The following PDE8B variants were observed in gnomAD, a reference collection of about 807,000 sequenced individuals.
PDE8B encodes high affinity cAMP-specific and IBMX-insensitive 3',5'-cyclic phosphodiesterase 8B.
A neutral mutation model predicts 101.3 loss-of-function variants in PDE8B; 26 were observed. That is an observed-to-expected ratio of 0.26 (90% CI 0.19 to 0.36). PDE8B has a LOEUF of 0.36. Among genes scored for constraint, PDE8B ranks in the 10% least tolerant of loss-of-function variants. The pLI is 1.00. For synonymous variants in PDE8B, 424 were observed against 429.3 expected, an observed-to-expected ratio of 0.99 and a Z score of 0.15; for missense variants, 810 against 1,163.1, an observed-to-expected ratio of 0.70 and a Z score of 4.42.
intron 10 of PDE8B, among the ~76,000 whole-genome samples, chr5:77,359,341 T>C (rs1169217142): frequency 6.6e-6 from 1 of 152,118 alleles, no homozygotes; most frequent in Non-Finnish European, 1.5e-5. Flanking sequence ...GGTAAACCGA[T>C]AACATTCTGG....
the PDE8B span, among the ~76,000 whole-genome samples, chr5:77,091,645 A>G: frequency 1.3e-5 from 2 of 152,118 alleles, no homozygotes; most frequent in African/African-American, 4.8e-5. Flanking sequence ...TGTCTGAAAA[A>G]TAATAATAAA....
chr5:77,126,284 CAA>C, the PDE8B span, among the ~76,000 whole-genome samples: 1 of 130,644 alleles, frequency 7.7e-6, no homozygotes, highest in Non-Finnish European at 1.7e-5. Flanking sequence ...GGCTCTTTCT[CAA>C]AAAAAAAAAA....
the PDE8B span, chr5:77,147,260 GTGT>G: frequency 3.1e-5 from 8 of 260,248 alleles, no homozygotes; most frequent in Non-Finnish European, 6.2e-5. Flanking sequence ...ATGTAAGGCT[GTGT>G]AACATTTGTT....
At chr5:77,276,333 C>T (rs191978172) in intron 1 of PDE8B, among the ~76,000 whole-genome samples, 41 of 152,324 alleles carry the variant, frequency 2.7e-4, no homozygotes, top group African/African-American at 8.2e-4. Flanking sequence ...CAGGGCTTGG[C>T]TCAGCTCAAA....
intron 17 of PDE8B, among the ~76,000 whole-genome samples, chr5:77,415,351 A>ATTTTTTTTT (rs71606293): frequency 1.1e-5 from 1 of 88,734 alleles, no homozygotes; most frequent in Non-Finnish European, 2.1e-5. Flanking sequence ...ATAAGCTAAA[A>ATTTTTTTTT]TTTTTTTTTT....
chr5:77,369,782 C>T (rs1220524025), intron 10 of PDE8B, among the ~76,000 whole-genome samples: 1 of 152,194 alleles, frequency 6.6e-6, no homozygotes, highest in African/African-American at 2.4e-5. Flanking sequence ...TTTTCACTGG[C>T]ACAGGCCACT....
intron 10 of PDE8B, among the ~76,000 whole-genome samples, chr5:77,386,588 T>C (rs903287506): frequency 6.6e-6 from 1 of 152,208 alleles, no homozygotes; most frequent in Non-Finnish European, 1.5e-5. Flanking sequence ...TATCAGAGAC[T>C]AGGATTGCAA....
chr5:77,414,506 C>T (rs1312220310), intron 17 of PDE8B, among the ~76,000 whole-genome samples: 3 of 152,074 alleles, frequency 2.0e-5, no homozygotes, highest in African/African-American at 4.8e-5. Flanking sequence ...CTGCAAACTC[C>T]ACCTCCCAGG....
At chr5:77,238,169 C>A (rs1440379062) in intron 1 of PDE8B, among the ~76,000 whole-genome samples, 1 of 152,110 alleles carries the variant, frequency 6.6e-6, no homozygotes, top group Non-Finnish European at 1.5e-5. Context: ...ATTATTTCTT[C>A]AAATATTTCT....
intron 1 of PDE8B, among the ~76,000 whole-genome samples, chr5:77,213,535 TA>T (rs1748958706): frequency 6.6e-6 from 1 of 152,248 alleles, no homozygotes; most frequent in South Asian, 2.1e-4. Context: ...GATAATTTTA[TA>T]AAAACTTTAC....
chr5:77,285,560 A>G (rs1765837814), intron 1 of PDE8B, among the ~76,000 whole-genome samples: 1 of 152,144 alleles, frequency 6.6e-6, no homozygotes, highest in Admixed American at 6.5e-5. Context: ...GATTAATTAC[A>G]ATGTGCCTAA....
At chr5:77,124,834 G>T in the PDE8B span, among the ~76,000 whole-genome samples, 4 of 152,034 alleles carry the variant, frequency 2.6e-5, no homozygotes, top group East Asian at 3.8e-4. Context: ...GAGAAAAGAT[G>T]GAGAAACAGC....
chr5:77,135,479 T>C, the PDE8B span, among the ~76,000 whole-genome samples: 1 of 148,460 alleles, frequency 6.7e-6, no homozygotes, highest in African/African-American at 2.5e-5. Flanking sequence ...AGGAATTTTT[T>C]TTTTTTTTTT....
At chr5:77,123,194 TAGGC>T in the PDE8B span, among the ~76,000 whole-genome samples, 1 of 151,966 alleles carries the variant, frequency 6.6e-6, no homozygotes, top group Non-Finnish European at 1.5e-5. Context: ...TTCCTATTGG[TAGGC>T]AATCTCTGCA....
chr5:77,103,033 G>T, the PDE8B span, among the ~76,000 whole-genome samples: 1 of 152,200 alleles, frequency 6.6e-6, no homozygotes, highest in Non-Finnish European at 1.5e-5. Context: ...GGCCAAGCCA[G>T]AGAAAAGGCA....
chr5:77,266,969 C>G (rs966147273), intron 1 of PDE8B, among the ~76,000 whole-genome samples: 2 of 151,686 alleles, frequency 1.3e-5, no homozygotes, highest in African/African-American at 4.8e-5. Context: ...GATTTTTGTT[C>G]CAAACATCCA....
intron 5 of PDE8B, among the ~76,000 whole-genome samples, chr5:77,336,524 C>T (rs908787327): frequency 2.6e-5 from 4 of 152,092 alleles, no homozygotes; most frequent in Non-Finnish European, 4.4e-5. Flanking sequence ...ATACATTTTT[C>T]GGGTTCATAC....
the PDE8B span, among the ~76,000 whole-genome samples, chr5:77,116,138 A>C: frequency 6.6e-6 from 1 of 151,066 alleles, no homozygotes; most frequent in Non-Finnish European, 1.5e-5. Context: ...ACAGATTTTC[A>C]TAGGTTTTGT....
At chr5:77,409,566 G>C (rs1435374070) in intron 14 of PDE8B, among the ~76,000 whole-genome samples, 1 of 152,036 alleles carries the variant, frequency 6.6e-6, no homozygotes. Flanking sequence ...CTCAGGGAGG[G>C]GAAGGGGAGA....
Sources: gnomAD v4.1 joint callset for allele counts (sites outside exome capture counted in the v4.1 genomes callset) on GRCh38, gnomAD v4.1.1 for gene constraint, MANE v1.5 for transcripts, NCBI Gene and HGNC (gene_info 2026-07-23, HGNC 2026-07-21) for gene names.